Variants in TNPO3 observed in about 807,000 individuals in gnomAD.
TNPO3 encodes transportin-3.
A neutral mutation model predicts 122.8 loss-of-function variants in TNPO3; 65 were observed. The observed-to-expected ratio is 0.53, with a 90% CI of 0.43 to 0.65. The LOEUF (loss-of-function observed/expected upper bound fraction) is 0.65. Ranked by LOEUF, TNPO3 falls within the 30% of genes least tolerant of loss-of-function variation. TNPO3 has a pLI of 0.00. For synonymous variants in TNPO3, 372 were observed against 411.2 expected (o/e 0.90, Z 1.15); for missense variants, 850 against 1,136.7 (o/e 0.75, Z 3.63).
At chr7:128,985,926 G>A (rs1343754029) in intron 12 of TNPO3, among the ~76,000 whole-genome samples, 4 of 152,146 alleles carry the variant, frequency 2.6e-5, no homozygotes, top group African/African-American at 4.8e-5. Context: ...AGTCACAGAG[G>A]CTTAGAAGAT....
chr7:129,031,841 T>C (rs1345796165), intron 1 of TNPO3, among the ~76,000 whole-genome samples: 1 of 152,382 alleles, frequency 6.6e-6, no homozygotes, highest in African/African-American at 2.4e-5. Context: ...TCTCAATTTT[T>C]AAATTTTTAT....
Position 128,997,414 on chromosome 7 carries a change from C to T in TNPO3, c.1133G>A (p.Arg378Gln). The T allele has an allele frequency of 3.7e-6, 6 of 1,614,102 alleles. No homozygotes were observed. The highest frequency in any genetic ancestry group is 5.1e-6 in the Non-Finnish European group (6 of 1,179,998). ...ATGGTCTGGTTCCAGCTGGCAGTGT[C>T]GAGCCAAGGCGTGAAGCAGCCTCTG... The part of the protein sequence containing the change: ...YIQRLLHALA[R>Q]HCQLEPDHEG... Residue 378 changes from arginine (R) to glutamine (Q), a missense_variant, in exon 8 of 23, where the codon CGA (arginine) becomes CAA (glutamine). Physicochemically the swap from Arg to Gln is conservative, Grantham distance 43. Coordinates refer to ENST00000265388, the MANE Select transcript of TNPO3 (RefSeq NM_012470.4).
Position 129,054,787 on chromosome 7 carries a change from G to A in TNPO3, c.-17C>T, listed in dbSNP as rs1375884201. On this transcript the variant is annotated 5_prime_UTR_variant, in exon 1 of 23. Coordinates refer to ENST00000265388, the MANE Select transcript of TNPO3 (RefSeq NM_012470.4). ...TCCTTCCATGGTGGTGGCGGTAGTG[G>A]CGGTAGCGACGGCTCTGATTCTTCT... 6.2e-7 allele frequency: 1 copy of A among 1,614,042 alleles called. No individual in the cohort carries two copies. The highest frequency in any genetic ancestry group is 2.2e-5 in the East Asian group (1 of 44,882).
At position 128,979,965 on chromosome 7, in the gene TNPO3, A is replaced by C; in HGVS notation, c.1920+6T>G. 1 of 1,613,612 alleles carries C rather than the reference A, an allele frequency of 6.2e-7. No homozygotes were observed. The highest frequency in any genetic ancestry group is 8.5e-7 in the Non-Finnish European group (1 of 1,179,544). Reference sequence around the variant, plus strand: ...CTTGATTCCACAAGCATCCATTAGCACTTACTTCCTGTATGACTTTCTGAC... The same window carrying C: ...CTTGATTCCACAAGCATCCATTAGCCCTTACTTCCTGTATGACTTTCTGAC... On this transcript the variant is annotated splice_donor_region_variant and intron_variant, in intron 15 of 22. Coordinates refer to ENST00000265388, the MANE Select transcript of TNPO3 (RefSeq NM_012470.4).
chr7:128,955,349 T>C lies in TNPO3; in HGVS notation c.*68A>G. The C allele has an allele frequency of 2.2e-6, 1 of 456,564 alleles. No homozygotes were observed. The highest frequency in any genetic ancestry group is 4.4e-6 in the Non-Finnish European group (1 of 226,958). The allele number at this position is 456,564 out of a possible 1,614,324, so 28.3% of individuals were successfully genotyped here. ...CTGATTGTGGGACACAGTCTGGTTT[T>C]TGTTTTCTTCCTGTCTTCTAATTAA... On this transcript the variant is annotated 3_prime_UTR_variant, in exon 23 of 23. Coordinates refer to ENST00000265388, the MANE Select transcript of TNPO3 (RefSeq NM_012470.4).
At chr7:128,984,137 T>C (rs757451755) in intron 13 of TNPO3, 31 bp downstream of exon 13, 13 of 1,385,296 alleles carry the variant, frequency 9.4e-6, no homozygotes, top group Non-Finnish European at 1.3e-5. Context: ...ACATCTTATA[T>C]TTGTTTCACA....
At chr7:129,040,979 T>C (rs1262246989) in intron 1 of TNPO3, among the ~76,000 whole-genome samples, 2 of 152,188 alleles carry the variant, frequency 1.3e-5, no homozygotes, top group East Asian at 1.9e-4. Context: ...AAGTACATCG[T>C]CAACGAAAAA....
At chr7:128,975,709 TG>T in intron 17 of TNPO3, 109 bp downstream of exon 17, 1 of 719,214 alleles carries the variant, frequency 1.4e-6, no homozygotes. Context: ...TCAACATGCC[TG>T]GGGGAAAACA....
chr7:128,960,509 C>A (rs1470092284), intron 21 of TNPO3, among the ~76,000 whole-genome samples: 1 of 151,490 alleles, frequency 6.6e-6, no homozygotes, highest in African/African-American at 2.4e-5. Flanking sequence ...ATGATCTTGA[C>A]CCTGTGTAGG....
At position 129,000,429 on chromosome 7, in the gene TNPO3, C is replaced by A; in HGVS notation, c.1011G>T (p.Glu337Asp). Residue 337 changes from glutamate (E) to aspartate (D), a missense_variant and splice_region_variant, in exon 7 of 23, where the codon GAG becomes GAT. Physicochemically the swap from Glu to Asp is conservative, Grantham distance 45. Transcript: ENST00000265388. ...GGCCTTTGAATAGCATAAACACTAC[C>A]TCATATTGAGGATGGCCTGCACAGA... ...LLICAGHPQY[E>D]VVEISFNFWY... is the part of the protein sequence containing the mutation. 1 of 1,612,694 alleles carries A rather than the reference C, an allele frequency of 6.2e-7. No individual in the cohort carries two copies. The highest frequency in any genetic ancestry group is 2.2e-5 in the East Asian group (1 of 44,866).
chr7:129,009,256 A>T (rs1200495032), intron 4 of TNPO3, among the ~76,000 whole-genome samples: 4 of 152,236 alleles, frequency 2.6e-5, no homozygotes, highest in Non-Finnish European at 4.4e-5. Context: ...AACTTCAAAA[A>T]GTTCAACACC....
At chr7:129,030,954 A>G (rs1388731750) in intron 1 of TNPO3, among the ~76,000 whole-genome samples, 1 of 152,172 alleles carries the variant, frequency 6.6e-6, no homozygotes, top group African/African-American at 2.4e-5. Context: ...ATTAACAACA[A>G]CAACAACAAA....
intron 1 of TNPO3, among the ~76,000 whole-genome samples, chr7:129,032,608 G>A (rs1401076217): frequency 6.6e-6 from 1 of 152,030 alleles, no homozygotes; most frequent in African/African-American, 2.4e-5. Flanking sequence ...ATTTACAATA[G>A]AATAAAAACG....
Position 129,054,710 on chromosome 7 carries a change from C to G in TNPO3, c.61G>C (p.Asp21His). Residue 21 changes from aspartate (D) to histidine (H), a missense_variant, in exon 1 of 23, where the codon GAC (aspartate) becomes CAC (histidine). Transcript: ENST00000265388. ...CGCTCCTTTCCGCTGGGATCTGGGT[C>G]GTGGTAAAGCGCCTGCACTGCCTGG... ...VYQAVQALYHDPDPSGKERAS... is the reference protein window; with the variant it reads ...VYQAVQALYHHPDPSGKERAS... 6.2e-7 allele frequency: 1 copy of G among 1,614,182 alleles called. No homozygotes were observed. The highest frequency in any genetic ancestry group is 8.5e-7 in the Non-Finnish European group (1 of 1,180,034).
chr7:128,970,482 TCA>T (rs1798355822), intron 19 of TNPO3, among the ~76,000 whole-genome samples, 167 bp from the exon 20 acceptor site: 1 of 152,112 alleles, frequency 6.6e-6, no homozygotes, highest in South Asian at 2.1e-4. Context: ...ACAGCTGGAT[TCA>T]CAAAGTCCAG....
chr7:128,988,658 T>A (rs1164293332), intron 11 of TNPO3, among the ~76,000 whole-genome samples: 1 of 152,126 alleles, frequency 6.6e-6, no homozygotes, highest in Non-Finnish European at 1.5e-5. Context: ...TAACTGAAGG[T>A]ATTAAAACAA....
intron 9 of TNPO3, among the ~76,000 whole-genome samples, chr7:128,992,715 A>T (rs1016536475): frequency 6.6e-6 from 1 of 152,218 alleles, no homozygotes; most frequent in Non-Finnish European, 1.5e-5. Flanking sequence ...TAGGAAAGGC[A>T]AAATTAAACA....
intron 12 of TNPO3, among the ~76,000 whole-genome samples, chr7:128,986,264 C>CTCTG (rs1163734414): frequency 6.6e-6 from 1 of 152,148 alleles, no homozygotes; most frequent in Non-Finnish European, 1.5e-5. Flanking sequence ...GGCTGTTTGC[C>CTCTG]TCTGGATAGA....
chr7:129,005,184 TG>T, intron 4 of TNPO3, 25 bp from the exon 5 acceptor site: 3 of 1,591,290 alleles, frequency 1.9e-6, no homozygotes, highest in Non-Finnish European at 2.6e-6. Flanking sequence ...AAACTTAAAA[TG>T]AATAATGTTA....
Sources: allele counts gnomAD v4.1 joint callset (sites outside exome capture counted in the v4.1 genomes callset), GRCh38; gene constraint gnomAD v4.1.1; transcripts MANE v1.5; gene names NCBI Gene and HGNC (gene_info 2026-07-23, HGNC 2026-07-21).